MAGI1: variants seen among roughly 807,000 people sequenced by gnomAD.
MAGI1 encodes the protein membrane associated guanylate kinase, WW and PDZ domain containing 1.
A neutral mutation model predicts 139.9 loss-of-function variants in MAGI1; 58 were observed. The observed-to-expected ratio is 0.41, with a 90% CI of 0.34 to 0.52. MAGI1 has a LOEUF of 0.52. Ranked by LOEUF, MAGI1 falls within the 20% of genes least tolerant of loss-of-function variation. MAGI1 has a pLI of 0.12. For synonymous variants in MAGI1, 812 were observed against 737.9 expected, an observed-to-expected ratio of 1.10 and a Z score of -1.63; for missense variants, 1,874 against 1,901.6, an observed-to-expected ratio of 0.99 and a Z score of 0.27.
intron 2 of MAGI1, among the ~76,000 whole-genome samples, chr3:65,498,725 G>C (rs1006514274): frequency 1.4e-4 from 21 of 152,160 alleles, no homozygotes; most frequent in African/African-American, 3.9e-4. Flanking sequence ...ATCACTGTCT[G>C]ATGGAACCTG....
At chr3:65,718,906 C>CA in intron 1 of MAGI1, among the ~76,000 whole-genome samples, 1 of 150,012 alleles carries the variant, frequency 6.7e-6, no homozygotes, top group Non-Finnish European at 1.5e-5. Flanking sequence ...CCCTTCCTTT[C>CA]AAAAAGCACT....
At chr3:65,391,042 A>T in intron 14 of MAGI1, 100 bp downstream of exon 14, 1 of 1,026,118 alleles carries the variant, frequency 9.7e-7, no homozygotes, top group Non-Finnish European at 1.5e-6. Flanking sequence ...CACTTTACCC[A>T]GTTTACACAC....
At chr3:65,897,470 G>A (rs2061020823) in intron 1 of MAGI1, among the ~76,000 whole-genome samples, 1 of 151,936 alleles carries the variant, frequency 6.6e-6, no homozygotes, top group African/African-American at 2.4e-5. Context: ...GCCTGCTGTG[G>A]GGTGGGGGGC....
intron 1 of MAGI1, among the ~76,000 whole-genome samples, chr3:65,848,580 T>A (rs1391259231): frequency 4.5e-5 from 1 of 22,428 alleles, no homozygotes; most frequent in Non-Finnish European, 6.9e-5. Flanking sequence ...AGTTGTATTC[T>A]TTTTTTTTTT....
chr3:65,831,434 G>T (rs1192374422), intron 1 of MAGI1, among the ~76,000 whole-genome samples: 1 of 152,184 alleles, frequency 6.6e-6, no homozygotes, highest in African/African-American at 2.4e-5. Flanking sequence ...TAAGGATGGA[G>T]CATGTGAAGA....
intron 2 of MAGI1, among the ~76,000 whole-genome samples, chr3:65,547,171 G>A (rs1158179066): frequency 2.0e-5 from 3 of 152,198 alleles, no homozygotes; most frequent in Non-Finnish European, 4.4e-5. Flanking sequence ...GCCAGGCTCT[G>A]TGCTGTTTTA....
chr3:65,669,782 A>AG, intron 1 of MAGI1, among the ~76,000 whole-genome samples: 1 of 152,290 alleles, frequency 6.6e-6, no homozygotes, highest in African/African-American at 2.4e-5. Context: ...TCCAGTGGAA[A>AG]GTTTGCTCAA....
intron 13 of MAGI1, 64 bp downstream of exon 13, chr3:65,401,375 C>T: frequency 9.9e-7 from 1 of 1,008,142 alleles, no homozygotes; most frequent in Non-Finnish European, 1.5e-6. Flanking sequence ...AGTACCCTCC[C>T]ACCTCCAGCC....
At chr3:65,908,445 C>T (rs980612500) in intron 1 of MAGI1, among the ~76,000 whole-genome samples, 6 of 152,074 alleles carry the variant, frequency 3.9e-5, no homozygotes, top group African/African-American at 9.7e-5. Context: ...CTACCACACC[C>T]GGCTAATTTT....
At chr3:65,677,061 G>A (rs997672401) in intron 1 of MAGI1, among the ~76,000 whole-genome samples, 1 of 152,176 alleles carries the variant, frequency 6.6e-6, no homozygotes, top group African/African-American at 2.4e-5. Context: ...GGTGGAGAGG[G>A]ACATACACGA....
At chr3:65,950,126 G>T (rs377614541) in intron 1 of MAGI1, among the ~76,000 whole-genome samples, 4 of 102,390 alleles carry the variant, frequency 3.9e-5, no homozygotes, top group African/African-American at 7.7e-5. Flanking sequence ...CAATATTACT[G>T]TTTTTTTTTT....
chr3:65,359,472 T>A lies in MAGI1; in HGVS notation c.3634+1727A>T, dbSNP rs147934640. 3.0e-4 allele frequency: 328 copies of A among 1,104,484 alleles called. 1 individual carries two copies. The East Asian group carries it at 0.01, about 34-fold the overall frequency. 68.4% of individuals were successfully genotyped at this position (1,104,484 alleles called of 1,614,324 possible). A position where few individuals can be genotyped will look rare whatever the true frequency, so the allele number is the denominator to read the frequency against. ...CAACTGGAACAATGACAGGCTGGCA[T>A]AGGAGAGCATTAACAATAAACAACA... On this transcript the variant is annotated intron_variant, in intron 22 of 22. Transcript: ENST00000402939.
intron 2 of MAGI1, among the ~76,000 whole-genome samples, chr3:65,527,798 C>T (rs921726163): frequency 3.3e-5 from 5 of 150,860 alleles, no homozygotes; most frequent in African/African-American, 1.2e-4. Flanking sequence ...GCCTGCAATC[C>T]CAACTACTCA....
chr3:65,401,937 T>G (rs1559525718), intron 12 of MAGI1: 2 of 979,912 alleles, frequency 2.0e-6, no homozygotes, highest in Non-Finnish European at 2.4e-6. Flanking sequence ...TTAAAAAAAT[T>G]TTTTTGGTCT....
chr3:65,593,224 C>A (rs1356553515), intron 2 of MAGI1, among the ~76,000 whole-genome samples: 3 of 152,082 alleles, frequency 2.0e-5, no homozygotes, highest in Non-Finnish European at 4.4e-5. Context: ...TAAAGCAACT[C>A]TCTTTGGCAT....
intron 1 of MAGI1, among the ~76,000 whole-genome samples, chr3:65,719,218 T>G (rs1271552787): frequency 1.3e-5 from 2 of 151,828 alleles, no homozygotes; most frequent in Non-Finnish European, 2.9e-5. Context: ...TGCTATAGAT[T>G]TATTTGAATT....
chr3:65,929,304 T>C (rs996517569), intron 1 of MAGI1, among the ~76,000 whole-genome samples: 8 of 152,116 alleles, frequency 5.3e-5, no homozygotes, highest in African/African-American at 1.7e-4. Context: ...CTTTCTAAAA[T>C]TGACAAAAAC....
intron 1 of MAGI1, among the ~76,000 whole-genome samples, chr3:65,759,740 A>C (rs1258604071): frequency 1.3e-5 from 2 of 152,184 alleles, no homozygotes. Context: ...TGGGACTAAC[A>C]AGTTTGTGCT....
At chr3:65,437,272 C>T (rs757327958) in intron 9 of MAGI1, 25 bp from the exon 10 acceptor site, 1 of 1,489,344 alleles carries the variant, frequency 6.7e-7, no homozygotes, top group East Asian at 2.3e-5. Context: ...AGAAAGTTTC[C>T]TATTTTTCCT....
Sources: gnomAD v4.1 joint callset for allele counts (sites outside exome capture counted in the v4.1 genomes callset) on GRCh38, gnomAD v4.1.1 for gene constraint, MANE v1.5 for transcripts, NCBI Gene and HGNC (gene_info 2026-07-23, HGNC 2026-07-21) for gene names.